SPAG6: variants seen among roughly 807,000 people sequenced by gnomAD.
SPAG6 encodes the protein sperm-associated antigen 6.
SPAG6 carries 49 observed loss-of-function variants against 58.5 expected under a neutral mutation model. That is an observed-to-expected ratio of 0.84 (90% CI 0.67 to 1.06). The LOEUF is 1.06. Ranked by LOEUF, SPAG6 falls within the 50% of genes least tolerant of loss-of-function variation. The pLI, the probability that SPAG6 is intolerant of heterozygous loss-of-function variation, is 0.00. For synonymous variants in SPAG6, 233 were observed against 225.6 expected, an observed-to-expected ratio of 1.03 and a Z score of -0.29; for missense variants, 560 against 611.3, an observed-to-expected ratio of 0.92 and a Z score of 0.89.
At chr10:22,404,710 T>A (rs1483477593) in intron 9 of SPAG6, among the ~76,000 whole-genome samples, 1 of 138,820 alleles carries the variant, frequency 7.2e-6, no homozygotes, top group Non-Finnish European at 1.6e-5. Flanking sequence ...GCATTGAATC[T>A]GTAAATTACC....
chr10:22,387,825 T>A lies in SPAG6; in HGVS notation c.681T>A (p.His227Gln). The change falls in exon 6 of 11, where the codon CAT (histidine) becomes CAA (glutamine). Residue 227 changes from histidine (H) to glutamine (Q), a missense_variant and splice_region_variant. Transcript: ENST00000376624. ...MILNPDAKLK[H>Q]QILSALSQVS... ...GTTGTTTTTTTTTTGCTTCACAGCA[T>A]CAGATCCTTTCAGCTCTCAGTCAGG... 1 of 1,607,082 alleles carries A rather than the reference T, an allele frequency of 6.2e-7. No homozygotes were observed. The highest frequency in any genetic ancestry group is 2.2e-5 in the East Asian group (1 of 44,820).
intron 4 of SPAG6, among the ~76,000 whole-genome samples, chr10:22,382,531 T>C (rs1833979953): frequency 6.6e-6 from 1 of 152,148 alleles, no homozygotes; most frequent in Non-Finnish European, 1.5e-5. Flanking sequence ...TAAATGAATA[T>C]TATTTCTAGT....
Position 22,368,572 on chromosome 10 carries a change from C to G in SPAG6, c.366C>G (p.Val122=). The G allele has an allele frequency of 6.2e-7, 1 of 1,613,784 alleles. No individual in the cohort carries two copies. Among genetic ancestry groups the G allele is most frequent in the Non-Finnish European group, 8.5e-7 (1 of 1,179,918 alleles). ...CTCCCCAGCTAGCTCAGGCAATAGT[C>G]GATTGTGGAGCACTGGATACGCTGG... is the stretch of plus-strand genomic sequence containing the variant. ...KHSPQLAQAI[V]DCGALDTLVI... Residue 122 remains valine, a synonymous_variant, in exon 4 of 11, where the codon GTC becomes GTG. Transcript: ENST00000376624.
chr10:22,360,694 A>G, intron 2 of SPAG6: 1 of 598,270 alleles, frequency 1.7e-6, no homozygotes. Flanking sequence ...TGGATATAAT[A>G]TTACATAGTA....
intron 10 of SPAG6, among the ~76,000 whole-genome samples, chr10:22,412,138 C>T (rs987622183): frequency 7.9e-5 from 12 of 152,014 alleles, no homozygotes; most frequent in South Asian, 2.1e-4. Context: ...CGTGAGCCAC[C>T]GCGACCGCCC....
chr10:22,362,622 T>C (rs926630360), intron 2 of SPAG6, among the ~76,000 whole-genome samples: 2 of 151,772 alleles, frequency 1.3e-5, no homozygotes, highest in African/African-American at 4.8e-5. Context: ...ACTCAGTTAT[T>C]TGTGAGGCTG....
intron 8 of SPAG6, among the ~76,000 whole-genome samples, chr10:22,395,217 C>G (rs539606158): frequency 6.6e-6 from 1 of 152,100 alleles, no homozygotes; most frequent in Non-Finnish European, 1.5e-5. Flanking sequence ...ATTATTGTAA[C>G]AAGTTTTCGT....
In SPAG6 at chr10:22,361,135, A is replaced by G. The variant is rs1011775764; in HGVS notation, c.122-3718A>G. 3 of 338,734 alleles carry G rather than the reference A, an allele frequency of 8.9e-6. No individual in the cohort carries two copies. In the East Asian group the frequency reaches 1.5e-4, roughly 17 times the overall value. 21.0% of individuals were successfully genotyped at this position (338,734 alleles called of 1,614,324 possible). A position where few individuals can be genotyped will look rare whatever the true frequency, so the allele number is the denominator to read the frequency against. On this transcript the variant is annotated intron_variant, in intron 2 of 10. Transcript: ENST00000376624. Reference sequence around the variant, plus strand: ...ATTTTTGACTATTTTCTTTTCCAATAAGGTTATTCCAACAGATATTTCAAA... The same window carrying G: ...ATTTTTGACTATTTTCTTTTCCAATGAGGTTATTCCAACAGATATTTCAAA...
At chr10:22,399,148 A>T (rs979385372) in intron 8 of SPAG6, among the ~76,000 whole-genome samples, 6 of 152,186 alleles carry the variant, frequency 3.9e-5, no homozygotes, top group Admixed American at 6.5e-5. Context: ...AACTTTATTG[A>T]GATATAATTT....
At chr10:22,387,335 TG>T (rs1486775266) in intron 5 of SPAG6, among the ~76,000 whole-genome samples, 1 of 152,220 alleles carries the variant, frequency 6.6e-6, no homozygotes, top group Non-Finnish European at 1.5e-5. Context: ...TTCTAAAATC[TG>T]ATTTTTAGTT....
chr10:22,412,419 T>C, intron 10 of SPAG6: 1 of 1,337,234 alleles, frequency 7.5e-7, no homozygotes, highest in Non-Finnish European at 1.0e-6. Flanking sequence ...TTAAAATTTG[T>C]TTTCTATCCA....
chr10:22,413,204 A>G (rs1255918053), intron 10 of SPAG6: 1 of 150,668 alleles, frequency 6.6e-6, no homozygotes, highest in Non-Finnish European at 1.5e-5. Context: ...TTAATTGAGC[A>G]CCAGGAAAAA....
rs555602708 is a variant in SPAG6 at position 22,411,056 on chromosome 10, G to A, written c.1340G>A (p.Arg447Gln). 4.4e-5 allele frequency: 71 copies of A among 1,613,980 alleles called. No homozygotes were observed. The South Asian group carries it at 6.7e-4, about 15-fold the overall frequency. Reference sequence around the variant, plus strand: ...GTGCTGCCGCATGATAGCAAAGCTCGACGACTTTTTGTAACAAGTGGTGGC... The same window carrying A: ...GTGCTGCCGCATGATAGCAAAGCTCAACGACTTTTTGTAACAAGTGGTGGC... Reference protein sequence around the residue: ...SKVLPHDSKARRLFVTSGGLK... With the variant: ...SKVLPHDSKAQRLFVTSGGLK... The change falls in exon 10 of 11, where the codon CGA becomes CAA. Residue 447 changes from arginine (R) to glutamine (Q), a missense_variant. Physicochemically the swap from Arg to Gln is conservative, Grantham distance 43. Transcript: ENST00000376624.
intron 2 of SPAG6, among the ~76,000 whole-genome samples, chr10:22,346,497 T>TTCTTC (rs1554776508): frequency 4.8e-4 from 36 of 74,378 alleles, no homozygotes; most frequent in African/African-American, 1.5e-3. Context: ...CTTCTTCTTC[T>TTCTTC]TTCTTCTTCT....
chr10:22,393,845 G>A (rs1834235433), intron 8 of SPAG6, among the ~76,000 whole-genome samples: 1 of 152,072 alleles, frequency 6.6e-6, no homozygotes, highest in Admixed American at 6.6e-5. Context: ...ATCTCAGTAG[G>A]GAAAAGTGTA....
chr10:22,349,000 T>TTTTTG (rs757463562), intron 2 of SPAG6, among the ~76,000 whole-genome samples: 130 of 152,184 alleles, frequency 8.5e-4, no homozygotes, highest in Non-Finnish European at 1.6e-3. Flanking sequence ...ACCTGGCTAA[T>TTTTTG]TTTTGTTTTG....
intron 4 of SPAG6, among the ~76,000 whole-genome samples, chr10:22,375,936 T>C (rs933173519): frequency 1.5e-4 from 23 of 152,162 alleles, no homozygotes; most frequent in Non-Finnish European, 3.4e-4. Context: ...GTGCTATAAC[T>C]AGCCACAGAC....
intron 2 of SPAG6, among the ~76,000 whole-genome samples, chr10:22,351,902 G>C (rs536508448): frequency 1.3e-5 from 2 of 152,236 alleles, no homozygotes; most frequent in Admixed American, 1.3e-4. Context: ...GCTGGGTGTG[G>C]GGTCTCACGC....
intron 4 of SPAG6, among the ~76,000 whole-genome samples, chr10:22,380,644 A>G (rs1833932215): frequency 6.6e-6 from 1 of 152,014 alleles, no homozygotes; most frequent in African/African-American, 2.4e-5. Flanking sequence ...GCTTTATTTC[A>G]AAAAGCTTTT....
Sources: gnomAD v4.1 joint callset for allele counts (sites outside exome capture counted in the v4.1 genomes callset) on GRCh38, gnomAD v4.1.1 for gene constraint, MANE v1.5 for transcripts, NCBI Gene and HGNC (gene_info 2026-07-23, HGNC 2026-07-21) for gene names.